The following EIF4G3 variants were observed in gnomAD, a reference collection of about 807,000 sequenced individuals.
EIF4G3 encodes the protein eukaryotic translation initiation factor 4 gamma 3, also known as eIF-4-gamma 3.
EIF4G3 carries 34 observed loss-of-function variants against 186.4 expected under a neutral mutation model. The observed-to-expected ratio is 0.18, with a 90% CI of 0.14 to 0.24. The LOEUF (loss-of-function observed/expected upper bound fraction) is 0.24, where lower values mean the gene tolerates loss of function less well. Among genes scored for constraint, EIF4G3 ranks in the 10% least tolerant of loss-of-function variants. The probability of loss-of-function intolerance (pLI) is 1.00; values close to 1 mark genes in which losing one functional copy is unlikely to be tolerated. For synonymous variants in EIF4G3, 673 were observed against 679.5 expected, an observed-to-expected ratio of 0.99 and a Z score of 0.15; for missense variants, 1,536 against 1,948.5, an observed-to-expected ratio of 0.79 and a Z score of 3.99.
intron 14 of EIF4G3, among the ~76,000 whole-genome samples, chr1:20,915,840 T>C (rs766604978): frequency 2.0e-5 from 3 of 152,260 alleles, no homozygotes; most frequent in Middle Eastern, 3.4e-3. Context: ...TATTCAACAT[T>C]GTATTGAAGG....
chr1:20,813,579 A>G (rs2154544059), intron 34 of EIF4G3, among the ~76,000 whole-genome samples: 1 of 150,524 alleles, frequency 6.6e-6, no homozygotes, highest in Non-Finnish European at 1.5e-5. Flanking sequence ...GAGAAAACAA[A>G]AAACAGGCCA....
intron 3 of EIF4G3, among the ~76,000 whole-genome samples, chr1:21,071,086 C>T (rs1159502582): frequency 6.6e-6 from 1 of 152,062 alleles, no homozygotes; most frequent in Non-Finnish European, 1.5e-5. Flanking sequence ...GCTTTAGTAG[C>T]CAAAATAAAT....
At position 20,997,556 on chromosome 1, in the gene EIF4G3, C is replaced by A. The variant is rs966545080; in HGVS notation, c.177+45G>T. On this transcript the variant is annotated intron_variant, in intron 7 of 36. Coordinates refer to ENST00000602326, the MANE Select transcript of EIF4G3 (RefSeq NM_001391906.1). ...AAGAGTCAGCAGCTACTAAAGCCCC[C>A]ATCTATTAGTTAAGGGTGATAGTGA... The A allele has an allele frequency of 2.6e-6, 4 of 1,532,970 alleles. No homozygotes were observed. The African/African-American group carries it at 5.5e-5, about 21-fold the overall frequency. 95.0% of individuals were successfully genotyped at this position (1,532,970 alleles called of 1,614,324 possible). A position where few individuals can be genotyped will look rare whatever the true frequency, so the allele number is the denominator to read the frequency against.
chr1:21,075,082 AG>A (rs1336294862), intron 3 of EIF4G3, among the ~76,000 whole-genome samples: 4 of 152,186 alleles, frequency 2.6e-5, no homozygotes, highest in Non-Finnish European at 5.9e-5. Flanking sequence ...ATAATAAACA[AG>A]GAGAGGGAAA....
At chr1:21,160,579 C>A (rs915546741) in intron 2 of EIF4G3, among the ~76,000 whole-genome samples, 1 of 152,162 alleles carries the variant, frequency 6.6e-6, no homozygotes, top group Non-Finnish European at 1.5e-5. Context: ...CATCATCATA[C>A]TGACATCATG....
chr1:21,081,691 G>A (rs1420248655), intron 3 of EIF4G3, among the ~76,000 whole-genome samples: 2 of 131,270 alleles, frequency 1.5e-5, no homozygotes, highest in Non-Finnish European at 3.1e-5. Flanking sequence ...TGCCCAAGCT[G>A]GAGTGCAGTG....
At chr1:20,808,617 C>G (rs1570760303) in intron 36 of EIF4G3, among the ~76,000 whole-genome samples, 1 of 151,990 alleles carries the variant, frequency 6.6e-6, no homozygotes, top group South Asian at 2.1e-4. Context: ...GCAGGCGGAG[C>G]TTGCAGTGAG....
chr1:20,866,950 TA>T (rs2077695527), intron 20 of EIF4G3, among the ~76,000 whole-genome samples: 1 of 152,152 alleles, frequency 6.6e-6, no homozygotes, highest in Admixed American at 6.5e-5. Context: ...CTATCATCTC[TA>T]AAGAGAAGTT....
At chr1:20,822,840 T>A (rs1461308463) in intron 33 of EIF4G3, among the ~76,000 whole-genome samples, 1 of 152,176 alleles carries the variant, frequency 6.6e-6, no homozygotes, top group South Asian at 2.1e-4. Context: ...TTTACTATCA[T>A]GTTTGATTTC....
chr1:21,016,900 C>A (rs577891515), intron 4 of EIF4G3, among the ~76,000 whole-genome samples: 1 of 150,290 alleles, frequency 6.7e-6, no homozygotes, highest in Non-Finnish European at 1.5e-5. Context: ...ACCCAGGAGG[C>A]GGAGGTTGCA....
At position 20,882,630 on chromosome 1, in the gene EIF4G3, C is replaced by CAA. The variant is rs71014128; in HGVS notation, c.2425-3112_2425-3111dup. On this transcript the variant is annotated intron_variant, in intron 19 of 36. Coordinates refer to ENST00000602326, the MANE Select transcript of EIF4G3 (RefSeq NM_001391906.1). Reference sequence around the variant, plus strand: ...AGTGAGACTCCATCTCAAAAAAAAACAAAAAAAAACAAAAAAAAATTAACA... The same window carrying CAA: ...AGTGAGACTCCATCTCAAAAAAAAACAAAAAAAAAAACAAAAAAAAATTAACA... Among the ~76,000 whole-genome samples the CAA allele has an allele frequency of 5.9e-4, 86 of 146,928 alleles. 1 individual carries two copies. Among genetic ancestry groups the CAA allele is most frequent in the African/African-American group, 1.4e-3 (55 of 39,708 alleles).
In EIF4G3 at chr1:21,139,917, C is replaced by G. The variant is rs139916047; in HGVS notation, c.-272+36258G>C. On this transcript the variant is annotated intron_variant, in intron 2 of 36. Coordinates refer to ENST00000602326, the MANE Select transcript of EIF4G3 (RefSeq NM_001391906.1). ...TAGCACTGAGTACAACTATCCTAGCCTTACCCCATCCCTAGAATTATCCTG... is the reference window on the plus strand; with the variant it reads ...TAGCACTGAGTACAACTATCCTAGCGTTACCCCATCCCTAGAATTATCCTG... Among the ~76,000 whole-genome samples the G allele has an allele frequency of 3.9e-5, 6 of 152,314 alleles. No individual in the cohort carries two copies. The East Asian group carries it at 1.2e-3, about 29-fold the overall frequency.
chr1:20,981,544 CTGTA>C (rs1039802524), intron 8 of EIF4G3, among the ~76,000 whole-genome samples: 2 of 129,058 alleles, frequency 1.5e-5, no homozygotes, highest in South Asian at 4.8e-4. Context: ...TACGCACATA[CTGTA>C]TGTATACATA....
intron 4 of EIF4G3, among the ~76,000 whole-genome samples, chr1:21,020,097 T>C (rs1015272458): frequency 6.6e-6 from 1 of 152,218 alleles, no homozygotes; most frequent in Non-Finnish European, 1.5e-5. Context: ...TGTGGAATAG[T>C]TGCGTCCACT....
intron 12 of EIF4G3, among the ~76,000 whole-genome samples, chr1:20,957,500 C>T (rs1425664890): frequency 2.4e-5 from 3 of 125,932 alleles, no homozygotes; most frequent in Admixed American, 8.2e-5. Context: ...AGCACAAGCA[C>T]AAACTAAACA....
intron 11 of EIF4G3, among the ~76,000 whole-genome samples, chr1:20,971,956 G>C (rs1031026125): frequency 1.3e-5 from 2 of 152,116 alleles, no homozygotes; most frequent in African/African-American, 4.8e-5. Flanking sequence ...TTTTTATTAA[G>C]TTAGAGTAAT....
At chr1:20,864,307 G>A (rs1202439089) in intron 22 of EIF4G3, among the ~76,000 whole-genome samples, 169 bp downstream of exon 22, 1 of 152,178 alleles carries the variant, frequency 6.6e-6, no homozygotes, top group Non-Finnish European at 1.5e-5. Context: ...TGACTCTGAT[G>A]GAAATGTAAG....
At chr1:20,945,567 G>A (rs2095903840) in intron 13 of EIF4G3, among the ~76,000 whole-genome samples, 1 of 152,154 alleles carries the variant, frequency 6.6e-6, no homozygotes, top group Non-Finnish European at 1.5e-5. Context: ...CCAGGCTCAA[G>A]CAATCCTCCT....
chr1:21,153,424 T>C (rs1033660035), intron 2 of EIF4G3, among the ~76,000 whole-genome samples: 1 of 152,220 alleles, frequency 6.6e-6, no homozygotes, highest in African/African-American at 2.4e-5. Flanking sequence ...CCATAATCCA[T>C]TCTAACCCTC....
Sources: gnomAD v4.1 joint callset for allele counts (sites outside exome capture counted in the v4.1 genomes callset) on GRCh38, gnomAD v4.1.1 for gene constraint, MANE v1.5 for transcripts, NCBI Gene and HGNC (gene_info 2026-07-23, HGNC 2026-07-21) for gene names.